The following HECW2 variants were observed in gnomAD, a reference collection of about 807,000 sequenced individuals.
HECW2 encodes E3 ubiquitin-protein ligase HECW2.
A neutral mutation model predicts 175.2 loss-of-function variants in HECW2; 61 were observed. The observed-to-expected ratio is 0.35, with a 90% CI of 0.28 to 0.43. The LOEUF is 0.43. HECW2 is among the 20% of genes least tolerant of loss of function. HECW2 has a pLI of 1.00. For synonymous variants in HECW2, 671 were observed against 731.0 expected (o/e 0.92, Z 1.32); for missense variants, 1,524 against 2,000.5 (o/e 0.76, Z 4.54).
intron 1 of HECW2, among the ~76,000 whole-genome samples, chr2:196,447,968 A>G (rs1696235915): frequency 6.6e-6 from 1 of 152,206 alleles, no homozygotes; most frequent in Non-Finnish European, 1.5e-5. Context: ...CTGAGACAGG[A>G]GAATCACTTG....
intron 1 of HECW2, among the ~76,000 whole-genome samples, chr2:196,578,096 G>A (rs1255511510): frequency 6.6e-6 from 1 of 152,008 alleles, no homozygotes; most frequent in Non-Finnish European, 1.5e-5. Flanking sequence ...AATTACTAAA[G>A]TAAATCATGT....
rs926682757 is a variant in HECW2 at position 196,196,113 on chromosome 2, G to C, written c.*5164C>G. The C allele has an allele frequency of 2.6e-5, 4 of 152,264 alleles. No individual in the cohort carries two copies. The highest frequency in any genetic ancestry group is 5.9e-5 in the Non-Finnish European group (4 of 68,144). The allele number at this position is 152,264 out of a possible 1,614,324, so 9.4% of individuals were successfully genotyped here. ...CTTCTGACCCAGATGGCTATGATAT[G>C]GACAGCACACACACGGTCATCCTTC... On this transcript the variant is annotated 3_prime_UTR_variant, in exon 29 of 29. Coordinates refer to ENST00000644978, the MANE Select transcript of HECW2 (RefSeq NM_001348768.2).
intron 1 of HECW2, among the ~76,000 whole-genome samples, chr2:196,545,251 T>C (rs945466619): frequency 1.3e-5 from 2 of 152,200 alleles, no homozygotes; most frequent in Admixed American, 6.5e-5. Flanking sequence ...ATAATTTAGA[T>C]GGTTGGGTGG....
chr2:196,291,352 T>C (rs1690596786), intron 14 of HECW2: 1 of 152,164 alleles, frequency 6.6e-6, no homozygotes, highest in African/African-American at 2.4e-5. Context: ...TTATTTTTCA[T>C]CATAGCATTA....
intron 26 of HECW2, among the ~76,000 whole-genome samples, chr2:196,218,743 T>C (rs1046957193): frequency 6.6e-6 from 1 of 152,176 alleles, no homozygotes; most frequent in African/African-American, 2.4e-5. Context: ...GCTAATAATA[T>C]TTATGGTAAA....
intron 28 of HECW2, among the ~76,000 whole-genome samples, chr2:196,207,067 C>A (rs1687095392): frequency 6.6e-6 from 1 of 152,164 alleles, no homozygotes; most frequent in African/African-American, 2.4e-5. Context: ...CTGAGAGGGG[C>A]AAGCGCCTAA....
chr2:196,488,695 G>A (rs1687093193), intron 1 of HECW2, among the ~76,000 whole-genome samples: 1 of 151,712 alleles, frequency 6.6e-6, no homozygotes, highest in Non-Finnish European at 1.5e-5. Context: ...ACTCTAAGGG[G>A]GAAAGGAATA....
intron 1 of HECW2, among the ~76,000 whole-genome samples, chr2:196,582,705 G>A (rs13416400): frequency 0.056 from 8,483 of 152,196 alleles, 798 homozygotes; most frequent in African/African-American, 0.19. Context: ...CAGGTACTGC[G>A]AACCAGACAC....
At chr2:196,466,215 T>C (rs1696946866) in intron 1 of HECW2, among the ~76,000 whole-genome samples, 1 of 152,180 alleles carries the variant, frequency 6.6e-6, no homozygotes, top group African/African-American at 2.4e-5. Flanking sequence ...CTCCAGAGAT[T>C]TGAATAAAGA....
chr2:196,249,573 T>C (rs1688781782), intron 19 of HECW2, among the ~76,000 whole-genome samples: 1 of 151,748 alleles, frequency 6.6e-6, no homozygotes, highest in Admixed American at 6.5e-5. Context: ...GGGGTGAAAT[T>C]ATAGTCACAA....
chr2:196,476,156 C>A (rs1686604347), intron 1 of HECW2, among the ~76,000 whole-genome samples: 1 of 150,864 alleles, frequency 6.6e-6, no homozygotes, highest in Non-Finnish European at 1.5e-5. Flanking sequence ...AAAAAAAAGG[C>A]AGGTGGGCTG....
intron 2 of HECW2, among the ~76,000 whole-genome samples, chr2:196,392,878 G>A (rs545604664): frequency 1.8e-4 from 27 of 152,270 alleles, no homozygotes; most frequent in African/African-American, 5.8e-4. Context: ...CAAAGCTGGA[G>A]GCATCACGCT....
At chr2:196,234,219 G>A (rs891809844) in intron 21 of HECW2, among the ~76,000 whole-genome samples, 1 of 151,650 alleles carries the variant, frequency 6.6e-6, no homozygotes, top group African/African-American at 2.4e-5. Flanking sequence ...TTTCTTTAAT[G>A]TTTTGGGTAT....
intron 13 of HECW2, among the ~76,000 whole-genome samples, chr2:196,298,427 A>G (rs559180061): frequency 3.9e-5 from 6 of 152,324 alleles, no homozygotes; most frequent in African/African-American, 1.4e-4. Context: ...TATCTATTTA[A>G]CACTTTTCTT....
intron 28 of HECW2, among the ~76,000 whole-genome samples, chr2:196,208,333 T>C (rs1194077772): frequency 6.6e-6 from 1 of 152,258 alleles, no homozygotes; most frequent in Non-Finnish European, 1.5e-5. Flanking sequence ...TTGGAATTTC[T>C]TGTCTGGAGT....
At chr2:196,428,761 A>G (rs1314659651) in intron 2 of HECW2, among the ~76,000 whole-genome samples, 2 of 152,208 alleles carry the variant, frequency 1.3e-5, no homozygotes, top group Admixed American at 1.3e-4. Flanking sequence ...AGTAGTAACT[A>G]CCAAAGCAGC....
chr2:196,291,730 A>AGTG (rs1286557812), intron 14 of HECW2: 1 of 152,230 alleles, frequency 6.6e-6, no homozygotes, highest in Non-Finnish European at 1.5e-5. Flanking sequence ...ATGTCAGGCA[A>AGTG]GTCACTGAAC....
rs115526766 is a variant in HECW2, at chr2:196,233,791, C to T, written c.3765-5537G>A. ...GAACACCATAAAGTGTACCTTGAAG[C>T]TTCACAGATTTCTGAGAAATTAATG... On this transcript the variant is annotated intron_variant, in intron 21 of 28. Coordinates refer to ENST00000644978, the MANE Select transcript of HECW2 (RefSeq NM_001348768.2). Among the ~76,000 whole-genome samples, 615 of 152,276 alleles carry T rather than the reference C, an allele frequency of 4.0e-3. 3 individuals carry two copies. Among genetic ancestry groups the T allele is most frequent in the Non-Finnish European group, 6.3e-3 (428 of 68,022 alleles).
At chr2:196,278,380 A>AAC in intron 15 of HECW2, 148 bp downstream of exon 15, 1 of 831,974 alleles carries the variant, frequency 1.2e-6, no homozygotes, top group Non-Finnish European at 1.8e-6. Context: ...AAGCCCTGTC[A>AAC]ACATTCGAAA....
Sources: allele counts gnomAD v4.1 joint callset (sites outside exome capture counted in the v4.1 genomes callset), GRCh38; gene constraint gnomAD v4.1.1; transcripts MANE v1.5; gene names NCBI Gene and HGNC (gene_info 2026-07-23, HGNC 2026-07-21).